Variants in RAB9B observed in about 807,000 individuals in gnomAD.
RAB9B encodes the protein RAB9B, member RAS oncogene family, also known as ras-related protein Rab-9B.
In RAB9B, 1 loss-of-function variant was observed where a neutral mutation model predicts 8.9. That is an observed-to-expected ratio of 0.11 (90% CI 0.04 to 0.53). RAB9B has a LOEUF of 0.53. RAB9B is among the 20% of genes least tolerant of loss of function. The pLI is 0.93. For missense variants in RAB9B, 82 were observed against 152.9 expected, an observed-to-expected ratio of 0.54 and a Z score of 2.45; for synonymous variants, 63 against 57.0, an observed-to-expected ratio of 1.10 and a Z score of -0.47.
chrX:103,814,171 G>A, the RAB9B span, among the ~76,000 whole-genome samples: 62 of 111,421 alleles, frequency 5.6e-4, no homozygotes, highest in African/African-American at 1.7e-3. Context: ...TTCTAAAATT[G>A]ACCACATAAT....
intron 1 of RAB9B, among the ~76,000 whole-genome samples, chrX:103,830,305 T>A (rs577604039): frequency 1.8e-5 from 2 of 111,200 alleles, no homozygotes; most frequent in Non-Finnish European, 3.8e-5. Flanking sequence ...TAAAAGCAAA[T>A]GAAATCATTT....
At chrX:103,778,963 G>A in the RAB9B span, among the ~76,000 whole-genome samples, 4 of 111,780 alleles carry the variant, frequency 3.6e-5, no homozygotes, top group African/African-American at 9.8e-5. Context: ...TTAAATGTTC[G>A]TACAGCCTCT....
chrX:103,799,222 A>G, the RAB9B span, among the ~76,000 whole-genome samples: 2 of 102,432 alleles, frequency 2.0e-5, no homozygotes, highest in African/African-American at 7.3e-5. Context: ...AGTGACACAC[A>G]TAGTTTTCAG....
the RAB9B span, chrX:103,791,984 T>C: frequency 8.9e-6 from 1 of 111,985 alleles, no homozygotes; most frequent in African/African-American, 3.2e-5. Context: ...TCTCCTGATA[T>C]AGATCACATA....
At chrX:103,782,837 C>T in the RAB9B span, among the ~76,000 whole-genome samples, 1 of 111,782 alleles carries the variant, frequency 8.9e-6, no homozygotes, top group Non-Finnish European at 1.9e-5. Flanking sequence ...ACCAATCAGG[C>T]TCCTGAGATC....
At chrX:103,805,953 T>C in the RAB9B span, among the ~76,000 whole-genome samples, 1 of 111,257 alleles carries the variant, frequency 9.0e-6, no homozygotes, top group Admixed American at 9.6e-5. Context: ...GTTTGATTGC[T>C]TTTGAGAAAC....
chrX:103,787,661 T>C, the RAB9B span: 2 of 566,143 alleles, frequency 3.5e-6, no homozygotes, highest in Non-Finnish European at 6.3e-6. Context: ...GGTGCCCTGC[T>C]CACTAATTTC....
At chrX:103,801,979 T>G in the RAB9B span, among the ~76,000 whole-genome samples, 1 of 111,210 alleles carries the variant, frequency 9.0e-6, no homozygotes, top group Non-Finnish European at 1.9e-5. Flanking sequence ...GTCTCTACCA[T>G]GAGGGGAGTC....
At chrX:103,812,090 C>T in the RAB9B span, among the ~76,000 whole-genome samples, 7 of 109,706 alleles carry the variant, frequency 6.4e-5, no homozygotes, top group African/African-American at 2.3e-4. Context: ...ACCTCCTAGG[C>T]TCAAGCAATC....
At chrX:103,829,725 T>C (rs936285826) in intron 1 of RAB9B, among the ~76,000 whole-genome samples, 2 of 112,283 alleles carry the variant, frequency 1.8e-5, no homozygotes, top group Middle Eastern at 4.6e-3. Flanking sequence ...GATCTCATTG[T>C]TTACAGTTGA....
At chrX:103,828,562 G>A (rs1481742531) in intron 1 of RAB9B, among the ~76,000 whole-genome samples, 5 of 111,855 alleles carry the variant, frequency 4.5e-5, no homozygotes, top group Admixed American at 3.8e-4. Flanking sequence ...AGTATTAAGC[G>A]TCCAGGCCAC....
chrX:103,788,789 A>T, the RAB9B span: 1 of 362,082 alleles, frequency 2.8e-6, no homozygotes, highest in Non-Finnish European at 4.8e-6. Flanking sequence ...TAATGGCAAA[A>T]TCCCCCACAT....
chrX:103,781,034 T>TAG, the RAB9B span: 1 of 195,483 alleles, frequency 5.1e-6, no homozygotes, highest in African/African-American at 2.9e-5. Flanking sequence ...TGTATAGGGT[T>TAG]CTTCTATCTC....
the RAB9B span, among the ~76,000 whole-genome samples, chrX:103,785,368 TGCCCG>T: frequency 8.9e-6 from 1 of 112,613 alleles, no homozygotes; most frequent in Non-Finnish European, 1.9e-5. Context: ...TGAGCCACCG[TGCCCG>T]GCCAAAGATT....
At chrX:103,794,411 G>A in the RAB9B span, among the ~76,000 whole-genome samples, 28 of 112,003 alleles carry the variant, frequency 2.5e-4, no homozygotes, top group Admixed American at 2.6e-3. Context: ...ATGCATGTGC[G>A]TGCTTCCACC....
chrX:103,799,681 A>T, the RAB9B span, among the ~76,000 whole-genome samples: 1 of 112,143 alleles, frequency 8.9e-6, no homozygotes, highest in East Asian at 2.8e-4. Flanking sequence ...CTGTTTTAAA[A>T]TTTTTTCTTA....
At chrX:103,787,337 CT>C in the RAB9B span, among the ~76,000 whole-genome samples, 1 of 111,279 alleles carries the variant, frequency 9.0e-6, no homozygotes, top group Non-Finnish European at 1.9e-5. Context: ...CCAGCAATGT[CT>C]TTTTGTGGCC....
At chrX:103,804,037 T>C in the RAB9B span, among the ~76,000 whole-genome samples, 1 of 112,732 alleles carries the variant, frequency 8.9e-6, no homozygotes, top group African/African-American at 3.2e-5. Context: ...TTTGTCGCTC[T>C]TGTTTTTGCT....
the RAB9B span, among the ~76,000 whole-genome samples, chrX:103,806,321 AT>A: frequency 3.6e-5 from 4 of 110,505 alleles, no homozygotes; most frequent in South Asian, 3.8e-4. Flanking sequence ...ATCTCAAGGT[AT>A]TTTCTAATTT....
Sources: allele counts gnomAD v4.1 joint callset (sites outside exome capture counted in the v4.1 genomes callset), GRCh38; gene constraint gnomAD v4.1.1; transcripts MANE v1.5; gene names NCBI Gene and HGNC (gene_info 2026-07-23, HGNC 2026-07-21).